The following GALNTL6 variants were observed in gnomAD, a reference collection of about 807,000 sequenced individuals.
GALNTL6 encodes polypeptide N-acetylgalactosaminyltransferase-like 6.
GALNTL6 carries 46 observed loss-of-function variants against 73.7 expected under a neutral mutation model. That is an observed-to-expected ratio of 0.62 (90% CI 0.49 to 0.80). GALNTL6 has a LOEUF of 0.80. Among genes scored for constraint, GALNTL6 ranks in the 30% least tolerant of loss-of-function variants. The pLI, the probability that GALNTL6 is intolerant of heterozygous loss-of-function variation, is 0.00. For missense variants in GALNTL6, 604 were observed against 755.0 expected, an observed-to-expected ratio of 0.80 and a Z score of 2.34; for synonymous variants, 259 against 263.7, an observed-to-expected ratio of 0.98 and a Z score of 0.17.
At chr4:172,546,183 C>T (rs996340471) in intron 5 of GALNTL6, among the ~76,000 whole-genome samples, 18 of 152,148 alleles carry the variant, frequency 1.2e-4, no homozygotes, top group Admixed American at 5.2e-4. Context: ...CATTACCACT[C>T]GGGAGAGAAG....
At chr4:172,685,072 ATTAC>A (rs1395044250) in intron 5 of GALNTL6, among the ~76,000 whole-genome samples, 1 of 152,186 alleles carries the variant, frequency 6.6e-6, no homozygotes, top group Non-Finnish European at 1.5e-5. Context: ...TAAGCATTCT[ATTAC>A]TTGAGTTTTC....
intron 5 of GALNTL6, among the ~76,000 whole-genome samples, chr4:172,539,134 A>G (rs1223690147): frequency 6.6e-6 from 1 of 152,216 alleles, no homozygotes; most frequent in South Asian, 2.1e-4. Context: ...ATCTCCAACT[A>G]GGAAAAATGT....
At chr4:172,821,999 G>A (rs1048424021) in intron 7 of GALNTL6, among the ~76,000 whole-genome samples, 4 of 152,272 alleles carry the variant, frequency 2.6e-5, no homozygotes, top group East Asian at 1.9e-4. Context: ...GAAATTCTCC[G>A]TAAGGGGTGG....
chr4:172,359,083 A>G (rs1478094212), intron 5 of GALNTL6, among the ~76,000 whole-genome samples: 1 of 152,148 alleles, frequency 6.6e-6, no homozygotes, highest in Admixed American at 6.6e-5. Context: ...CATGCACACA[A>G]ATGTTCACTG....
At chr4:171,873,712 G>T (rs1376993311) in intron 2 of GALNTL6, among the ~76,000 whole-genome samples, 1 of 151,824 alleles carries the variant, frequency 6.6e-6, no homozygotes, top group African/African-American at 2.4e-5. Flanking sequence ...GTTATATATG[G>T]GTTCTACTCA....
chr4:172,197,361 ACTGCC>A (rs1472370110), intron 2 of GALNTL6, among the ~76,000 whole-genome samples: 2 of 152,198 alleles, frequency 1.3e-5, no homozygotes, highest in Non-Finnish European at 2.9e-5. Context: ...AAATGACCAT[ACTGCC>A]CAAAGTAATT....
At position 172,069,516 on chromosome 4, in the gene GALNTL6, T is replaced by TATGACACA. The variant is rs1560909451; in HGVS notation, c.139-160140_139-160139insATGACACA. On this transcript the variant is annotated intron_variant, in intron 2 of 12. Coordinates refer to ENST00000506823, the MANE Select transcript of GALNTL6 (RefSeq NM_001034845.3). Reference sequence around the variant, plus strand: ...ATGTTATATGTATAACACATATATGTTATATGTATAACACATATATTATAT... The same window carrying TATGACACA: ...ATGTTATATGTATAACACATATATGTATGACACATATATGTATAACACATATATTATAT... Among the ~76,000 whole-genome samples, 192 of 43,388 alleles carry TATGACACA rather than the reference T, an allele frequency of 4.4e-3. 61 individuals carry two copies. The highest frequency in any genetic ancestry group is 9.5e-3 in the Non-Finnish European group (162 of 16,974). The allele number at this position is 43,388 out of a possible 152,430, so 28.5% of individuals were successfully genotyped here.
chr4:172,178,566 A>G (rs1735124894), intron 2 of GALNTL6, among the ~76,000 whole-genome samples: 1 of 151,680 alleles, frequency 6.6e-6, no homozygotes, highest in South Asian at 2.1e-4. Context: ...GATGGTTTCC[A>G]GGTTCATCCA....
At chr4:171,921,766 T>A (rs1376802290) in intron 2 of GALNTL6, among the ~76,000 whole-genome samples, 8 of 152,086 alleles carry the variant, frequency 5.3e-5, no homozygotes, top group Admixed American at 5.2e-4. Context: ...CAAGTAGTTT[T>A]TAAAGGACAT....
intron 2 of GALNTL6, among the ~76,000 whole-genome samples, chr4:172,164,412 T>C (rs912760904): frequency 6.6e-6 from 1 of 152,004 alleles, no homozygotes; most frequent in Admixed American, 6.6e-5. Flanking sequence ...TTAGGATGTA[T>C]TTTATGGATT....
At chr4:172,236,167 C>T (rs1337703813) in intron 3 of GALNTL6, among the ~76,000 whole-genome samples, 1 of 152,132 alleles carries the variant, frequency 6.6e-6, no homozygotes, top group African/African-American at 2.4e-5. Context: ...ATTTGCTTTT[C>T]TTTCAGTATG....
At chr4:172,819,156 G>T (rs1029798009) in intron 7 of GALNTL6, among the ~76,000 whole-genome samples, 35 of 152,212 alleles carry the variant, frequency 2.3e-4, no homozygotes, top group Admixed American at 3.3e-4. Flanking sequence ...CTAAAATGGG[G>T]AAAATTCTAC....
intron 2 of GALNTL6, among the ~76,000 whole-genome samples, chr4:172,018,623 G>A (rs897263124): frequency 6.6e-6 from 1 of 152,038 alleles, no homozygotes; most frequent in African/African-American, 2.4e-5. Context: ...ACAGCCCCAG[G>A]CCATAAGCTT....
chr4:172,233,148 C>G (rs994017752), intron 3 of GALNTL6, among the ~76,000 whole-genome samples: 1 of 149,150 alleles, frequency 6.7e-6, no homozygotes, highest in South Asian at 2.1e-4. Flanking sequence ...GAGGGAGGAT[C>G]GCTTGAGCCC....
chr4:172,059,320 C>G (rs1036293967), intron 2 of GALNTL6, among the ~76,000 whole-genome samples: 2 of 152,096 alleles, frequency 1.3e-5, no homozygotes, highest in Non-Finnish European at 2.9e-5. Flanking sequence ...GGGTGAGGTC[C>G]CAGATTTTCA....
chr4:171,901,769 A>G (rs1737106073), intron 2 of GALNTL6, among the ~76,000 whole-genome samples: 1 of 152,192 alleles, frequency 6.6e-6, no homozygotes, highest in Non-Finnish European at 1.5e-5. Context: ...CATCCAATAT[A>G]TTAATCAAGA....
intron 8 of GALNTL6, among the ~76,000 whole-genome samples, chr4:172,886,739 G>T (rs145158727): frequency 0.01 from 1,540 of 151,718 alleles, 24 homozygotes; most frequent in African/African-American, 0.035. Flanking sequence ...CTCCAGCCTG[G>T]GCAACAAGAG....
rs535817088 is a variant in GALNTL6 at position 172,172,195 on chromosome 4, T to C, written c.139-57461T>C. On this transcript the variant is annotated intron_variant, in intron 2 of 12. Coordinates refer to ENST00000506823, the MANE Select transcript of GALNTL6 (RefSeq NM_001034845.3). Reference sequence around the variant, plus strand: ...ATTGTTTTTTGTTTGCTTTTTTGTGTTTTTTGTTTGTTTTGTTTTTGAGAC... The same window carrying C: ...ATTGTTTTTTGTTTGCTTTTTTGTGCTTTTTGTTTGTTTTGTTTTTGAGAC... Among the ~76,000 whole-genome samples, 27 of 152,136 alleles carry C rather than the reference T, an allele frequency of 1.8e-4. 1 individual carries two copies. In the South Asian group the frequency reaches 5.6e-3, roughly 32 times the overall value.
rs1041805861 is a variant in GALNTL6, at chr4:172,809,089, G to A, written c.554-272G>A. Among the ~76,000 whole-genome samples the A allele has an allele frequency of 2.6e-5, 4 of 152,152 alleles. No homozygotes were observed. The highest frequency in any genetic ancestry group is 9.7e-5 in the African/African-American group (4 of 41,438). Reference sequence around the variant, plus strand: ...TTTGGAGTGTTGGCTAGGATTACACGCTGCAGCTGTCAGCCAGCAGTAACT... The same window carrying A: ...TTTGGAGTGTTGGCTAGGATTACACACTGCAGCTGTCAGCCAGCAGTAACT... On this transcript the variant is annotated intron_variant, in intron 5 of 12. Coordinates refer to ENST00000506823, the MANE Select transcript of GALNTL6 (RefSeq NM_001034845.3). This position sits in a 1 kb window ranked among gnomAD's most constrained non-coding sequence, Gnocchi z 4.4.
Sources: allele counts gnomAD v4.1 joint callset (sites outside exome capture counted in the v4.1 genomes callset), GRCh38; gene constraint gnomAD v4.1.1; non-coding constraint Gnocchi (gnomAD v3.1); transcripts MANE v1.5; gene names NCBI Gene and HGNC (gene_info 2026-07-23, HGNC 2026-07-21).